Variants in NOP9 observed in about 807,000 individuals in gnomAD.
The protein encoded by NOP9 is NOP9 nucleolar protein.
In NOP9, 50 loss-of-function variants were observed where a neutral mutation model predicts 63.0. The ratio of observed to expected loss-of-function variants is 0.79; its 90% CI spans 0.63 to 1.00. NOP9 has a LOEUF of 1.00. Among genes scored for constraint, NOP9 ranks in the 50% least tolerant of loss-of-function variants. NOP9 has a pLI of 0.00. For synonymous variants in NOP9, 343 were observed against 332.8 expected (o/e 1.03, Z -0.33); for missense variants, 758 against 803.0 (o/e 0.94, Z 0.68).
chr14:24,278,267 TG>T, the NOP9 span, among the ~76,000 whole-genome samples: 3 of 152,172 alleles, frequency 2.0e-5, no homozygotes, highest in Non-Finnish European at 4.4e-5. Flanking sequence ...TTAGTGCTTT[TG>T]CACCCATCAG....
chr14:24,281,772 A>G, the NOP9 span, among the ~76,000 whole-genome samples: 2 of 152,162 alleles, frequency 1.3e-5, no homozygotes, highest in Non-Finnish European at 2.9e-5. Context: ...GCGCAGAGGA[A>G]AGGGAGTGTG....
At chr14:24,292,521 C>A in the NOP9 span, 1 of 1,543,402 alleles carries the variant, frequency 6.5e-7, no homozygotes, top group Non-Finnish European at 8.9e-7. Context: ...AGGAACTGTC[C>A]ATGGATGAGG....
chr14:24,304,521 G>T lies in NOP9; in HGVS notation c.1676G>T (p.Arg559Leu), dbSNP rs537780930. 18 of 1,612,778 alleles carry T rather than the reference G, an allele frequency of 1.1e-5. No homozygotes were observed. The East Asian group carries it at 4.0e-4, about 36-fold the overall frequency. The change falls in exon 9 of 10, where the codon CGC becomes CTC. Residue 559 changes from arginine (R) to leucine (L), a missense_variant. Coordinates refer to ENST00000267425, the MANE Select transcript of NOP9 (RefSeq NM_174913.3). ...CAATATGTGGCTCTGGCCTGTAGTCGCCATGGCAGCCGTGTGCTAGATGCC... is the reference window on the plus strand; with the variant it reads ...CAATATGTGGCTCTGGCCTGTAGTCTCCATGGCAGCCGTGTGCTAGATGCC... Reference protein sequence around the residue: ...KGQYVALACSRHGSRVLDAIW... With the variant: ...KGQYVALACSLHGSRVLDAIW...
chr14:24,305,681 C>A lies in NOP9; in HGVS notation c.*586C>A, dbSNP rs1476915340. The A allele has an allele frequency of 6.8e-6, 11 of 1,614,104 alleles. No homozygotes were observed. The highest frequency in any genetic ancestry group is 9.3e-6 in the Non-Finnish European group (11 of 1,180,046). Reference sequence around the variant, plus strand: ...TCTGCTGCCACTGCTCAGCCCCCTCCACTGCATGACGAAGGGTGGAGGAAA... The same window carrying A: ...TCTGCTGCCACTGCTCAGCCCCCTCAACTGCATGACGAAGGGTGGAGGAAA... On this transcript the variant is annotated 3_prime_UTR_variant, in exon 10 of 10. Transcript: ENST00000267425.
rs375108757 is a variant in NOP9 at position 24,299,906 on chromosome 14, C to T, written c.-49C>T. On this transcript the variant is annotated 5_prime_UTR_variant, in exon 1 of 10. Transcript: ENST00000267425. ...CGCACGCTTGGCGACGTCGAAGGTC[C>T]GTCCGCAGTTAAGGAAGCTTTTGCA... 1.1e-5 allele frequency: 16 copies of T among 1,504,154 alleles called. No individual in the cohort carries two copies. Among genetic ancestry groups the T allele is most frequent in the Non-Finnish European group, 1.2e-5 (14 of 1,129,060 alleles). 93.2% of individuals were successfully genotyped at this position (1,504,154 alleles called of 1,614,324 possible). A position where few individuals can be genotyped will look rare whatever the true frequency, so the allele number is the denominator to read the frequency against.
rs1159879935 is a variant in NOP9 at position 24,307,146 on chromosome 14, G to A, written c.*2051G>A. The A allele has an allele frequency of 2.8e-5, 12 of 424,858 alleles. No individual in the cohort carries two copies. The highest frequency in any genetic ancestry group is 7.1e-5 in the East Asian group (2 of 28,236). The allele number at this position is 424,858 out of a possible 1,614,324, so 26.3% of individuals were successfully genotyped here. A position where few individuals can be genotyped will look rare whatever the true frequency, so the allele number is the denominator to read the frequency against. On this transcript the variant is annotated 3_prime_UTR_variant, in exon 10 of 10. Transcript: ENST00000267425. Reference sequence around the variant, plus strand: ...TACTAGCTTCTGAATTCTGTCCCTCGAACTCTCCCTATCTCCTGCTAACCC... The same window carrying A: ...TACTAGCTTCTGAATTCTGTCCCTCAAACTCTCCCTATCTCCTGCTAACCC...
rs2041380011 is a variant in NOP9 at position 24,301,720 on chromosome 14, C to G, written c.806C>G (p.Ala269Gly). The change falls in exon 3 of 10, where the codon GCA (alanine) becomes GGA (glycine). Residue 269 changes from alanine to glycine, a missense_variant and splice_region_variant. Ala to Gly is a moderately conservative substitution (Grantham distance 60, BLOSUM62 0). Coordinates refer to ENST00000267425, the MANE Select transcript of NOP9 (RefSeq NM_174913.3). ...DLSSSFLKDI[A>G]VFITDKISSF... ...AGCTCCTCCTTTCTGAAGGACATTG[C>G]AGGTAAGGAGGGAAGTAGGAGGATG... 2 of 1,613,904 alleles carry G rather than the reference C, an allele frequency of 1.2e-6. No homozygotes were observed. The highest frequency in any genetic ancestry group is 2.7e-5 in the African/African-American group (2 of 74,922).
chr14:24,305,931 C>A lies in NOP9; in HGVS notation c.*836C>A. Reference sequence around the variant, plus strand: ...AACTGTAGGGGATGGGGCAGTATGACATGTTGATTTCTGACCTGAGTACTT... The same window carrying A: ...AACTGTAGGGGATGGGGCAGTATGAAATGTTGATTTCTGACCTGAGTACTT... On this transcript the variant is annotated 3_prime_UTR_variant, in exon 10 of 10. Transcript: ENST00000267425. 6.2e-7 allele frequency: 1 copy of A among 1,609,490 alleles called. No individual in the cohort carries two copies. The highest frequency in any genetic ancestry group is 8.5e-7 in the Non-Finnish European group (1 of 1,177,272).
chr14:24,283,861 C>A, the NOP9 span, among the ~76,000 whole-genome samples: 1 of 152,280 alleles, frequency 6.6e-6, no homozygotes, highest in East Asian at 1.9e-4. Flanking sequence ...CTGCAGAAGA[C>A]CCAGCCCGTG....
chr14:24,274,612 C>CTT, the NOP9 span, among the ~76,000 whole-genome samples: 209 of 141,228 alleles, frequency 1.5e-3, no homozygotes, highest in African/African-American at 4.1e-3. Context: ...GAGCCACAAT[C>CTT]TTTTTTTTTT....
chr14:24,291,310 C>T, the NOP9 span: 1 of 1,351,706 alleles, frequency 7.4e-7, no homozygotes, highest in Non-Finnish European at 1.1e-6. Flanking sequence ...CTGCTGAGAG[C>T]CCTGGAGCTC....
At chr14:24,276,804 T>C in the NOP9 span, among the ~76,000 whole-genome samples, 6 of 152,234 alleles carry the variant, frequency 3.9e-5, no homozygotes, top group African/African-American at 1.4e-4. Flanking sequence ...GCTTACTCTA[T>C]TCTTCTATAA....
the NOP9 span, chr14:24,292,698 C>T: frequency 6.2e-7 from 1 of 1,614,236 alleles, no homozygotes; most frequent in Admixed American, 1.7e-5. Context: ...ATACTGCAGG[C>T]TTCCTGGGGA....
the NOP9 span, among the ~76,000 whole-genome samples, chr14:24,275,462 G>A: frequency 6.6e-6 from 1 of 152,254 alleles, no homozygotes; most frequent in South Asian, 2.1e-4. Flanking sequence ...ATAGGTGAGA[G>A]TGACCATTGC....
upstream of NOP9, chr14:24,296,418 AG>A (rs769469167): frequency 2.4e-6 from 3 of 1,250,566 alleles, no homozygotes; most frequent in Non-Finnish European, 3.5e-6. Context: ...GGGAGGCCGG[AG>A]GGAAAAGGAG....
At position 24,305,537 on chromosome 14, in the gene NOP9, T is replaced by C; in HGVS notation, c.*442T>C. 1 of 1,470,656 alleles carries C rather than the reference T, an allele frequency of 6.8e-7. No individual in the cohort carries two copies. The highest frequency in any genetic ancestry group is 9.1e-7 in the Non-Finnish European group (1 of 1,094,118). The allele number at this position is 1,470,656 out of a possible 1,614,324, so 91.1% of individuals were successfully genotyped here. The stretch of plus-strand genomic sequence containing the variant: ...CAGTGGGGAAATTGGGTGGGTTATC[T>C]AGCCTGTACTGTCTGCAGGTCCTGA... On this transcript the variant is annotated 3_prime_UTR_variant, in exon 10 of 10. Transcript: ENST00000267425.
the NOP9 span, among the ~76,000 whole-genome samples, chr14:24,286,813 C>T: frequency 4.0e-5 from 6 of 151,580 alleles, no homozygotes; most frequent in African/African-American, 9.7e-5. Flanking sequence ...AGGATGGTCT[C>T]GATCTCCTGA....
upstream of NOP9, among the ~76,000 whole-genome samples, chr14:24,298,341 T>A (rs896299631): frequency 2.2e-4 from 34 of 152,250 alleles, no homozygotes; most frequent in Admixed American, 1.7e-3. Context: ...CATGAGCCAC[T>A]GTACTCCACC....
At position 24,307,829 on chromosome 14, in the gene NOP9, A is replaced by G. The variant is rs766438053; in HGVS notation, c.*2734A>G. 1.9e-6 allele frequency: 3 copies of G among 1,595,600 alleles called. No homozygotes were observed. The African/African-American group carries it at 4.0e-5, about 21-fold the overall frequency. On this transcript the variant is annotated 3_prime_UTR_variant, in exon 10 of 10. Coordinates refer to ENST00000267425, the MANE Select transcript of NOP9 (RefSeq NM_174913.3). ...GGGTTAGCAGTCACCTGAGTAAGTC[A>G]CTGGGGTTCAGAGCTGAGAGGTACT...
Sources: gnomAD v4.1 joint callset for allele counts (sites outside exome capture counted in the v4.1 genomes callset) on GRCh38, gnomAD v4.1.1 for gene constraint, MANE v1.5 for transcripts, NCBI Gene and HGNC (gene_info 2026-07-23, HGNC 2026-07-21) for gene names.